FIG4: variants seen among roughly 807,000 people sequenced by gnomAD.
FIG4 encodes polyphosphoinositide phosphatase.
In FIG4, 112 loss-of-function variants were observed where a neutral mutation model predicts 118.6. The observed-to-expected ratio is 0.94, with a 90% CI of 0.81 to 1.11. The LOEUF is 1.11. FIG4 is among the 50% of genes least tolerant of loss of function. The pLI is 0.00. For synonymous variants in FIG4, 369 were observed against 381.2 expected, an observed-to-expected ratio of 0.97 and a Z score of 0.37; for missense variants, 969 against 1,111.7, an observed-to-expected ratio of 0.87 and a Z score of 1.83.
At chr6:109,731,716 T>A (rs1776006961) in intron 4 of FIG4, among the ~76,000 whole-genome samples, 1 of 152,316 alleles carries the variant, frequency 6.6e-6, no homozygotes, top group Non-Finnish European at 1.5e-5. Flanking sequence ...TTGTGCATTA[T>A]GTGCAAATAC....
At chr6:109,766,372 T>C (rs1777279289) in intron 14 of FIG4, among the ~76,000 whole-genome samples, 1 of 152,198 alleles carries the variant, frequency 6.6e-6, no homozygotes, top group Admixed American at 6.5e-5. Flanking sequence ...AGCATATTCT[T>C]TTTTCAGAGG....
intron 21 of FIG4, among the ~76,000 whole-genome samples, chr6:109,795,110 T>G (rs1778245201): frequency 2.1e-4 from 14 of 65,528 alleles, no homozygotes; most frequent in African/African-American, 7.3e-4. Flanking sequence ...TTTTTTTTTT[T>G]TTTTTTTTTT....
intron 21 of FIG4, among the ~76,000 whole-genome samples, chr6:109,796,388 T>A (rs1244993434): frequency 6.6e-6 from 1 of 152,194 alleles, no homozygotes; most frequent in Non-Finnish European, 1.5e-5. Flanking sequence ...CCCCCCATGC[T>A]TCCTGCATTC....
At position 109,774,448 on chromosome 6, in the gene FIG4, A is replaced by T. The variant is rs1777559275; in HGVS notation, c.1751-2474A>T. Among the ~76,000 whole-genome samples the T allele has an allele frequency of 1.3e-5, 2 of 152,050 alleles. 1 individual carries two copies. Among genetic ancestry groups the T allele is most frequent in the Admixed American group, 1.3e-4 (2 of 15,260 alleles). On this transcript the variant is annotated intron_variant, in intron 15 of 22. Transcript: ENST00000230124. ...AACATATACCTTTTTGCATATTTTG[A>T]TCTTATGAAAAGTTCAGAAGCAAAT...
chr6:109,813,446 G>A (rs2503766), intron 22 of FIG4, among the ~76,000 whole-genome samples: 1 of 151,966 alleles, frequency 6.6e-6, no homozygotes, highest in African/African-American at 2.4e-5. Flanking sequence ...GCATCTGATG[G>A]TGCATTTAGT....
At chr6:109,756,859 A>C (rs901258347) in intron 10 of FIG4, among the ~76,000 whole-genome samples, 4 of 152,142 alleles carry the variant, frequency 2.6e-5, no homozygotes, top group African/African-American at 9.7e-5. Flanking sequence ...CAAAGTTTTC[A>C]ACTTCTTTGT....
chr6:109,694,289 G>A (rs1007790084), intron 1 of FIG4, among the ~76,000 whole-genome samples: 1 of 152,088 alleles, frequency 6.6e-6, no homozygotes, highest in Non-Finnish European at 1.5e-5. Context: ...TTCCAATAAC[G>A]GAACACTAGG....
chr6:109,773,095 C>T (rs966365592), intron 15 of FIG4, among the ~76,000 whole-genome samples: 1 of 152,168 alleles, frequency 6.6e-6, no homozygotes, highest in Non-Finnish European at 1.5e-5. Flanking sequence ...CATTTCTTGG[C>T]TTGTGGCCTG....
rs577237778 is a variant in FIG4 at position 109,717,236 on chromosome 6, G to A, written c.289+668G>A. Among the ~76,000 whole-genome samples the A allele has an allele frequency of 2.0e-5, 3 of 152,116 alleles. No homozygotes were observed. In the East Asian group the frequency reaches 5.8e-4, roughly 29 times the overall value. ...AGTCCATAGATATGATGATTCTGTT[G>A]TTTTCAAGGAAACAGGACCCTTGGT... On this transcript the variant is annotated intron_variant, in intron 3 of 22. Transcript: ENST00000230124.
intron 22 of FIG4, among the ~76,000 whole-genome samples, chr6:109,821,411 A>G (rs1779002678): frequency 6.6e-6 from 1 of 152,242 alleles, no homozygotes; most frequent in Admixed American, 6.5e-5. Context: ...ATAGAATTAT[A>G]AAGAACAGAG....
Position 109,727,266 on chromosome 6 carries a change from G to T in FIG4, c.446+1G>T, listed in dbSNP as rs1287611836. On this transcript the variant is annotated splice_donor_variant, in intron 4 of 22. Coordinates refer to ENST00000230124, the MANE Select transcript of FIG4 (RefSeq NM_014845.6). LOFTEE classifies it high-confidence loss of function. ...GGGTTACTCATCCTGATGAAGCTAG[G>T]TATGTATGGTGGTAACTACCTTTTT... 6.2e-7 allele frequency: 1 copy of T among 1,602,452 alleles called. No individual in the cohort carries two copies. The highest frequency in any genetic ancestry group is 1.7e-5 in the Admixed American group (1 of 58,664).
Position 109,743,253 on chromosome 6 carries a change from G to A in FIG4, c.1020G>A (p.Met340Ile). The change falls in exon 9 of 23, where the codon ATG becomes ATA. Residue 340 changes from methionine (M) to isoleucine (I), a missense_variant. This residue lies in a region of FIG4 where 246 missense variants were observed against 354.3 expected (regional missense o/e 0.69). Coordinates refer to ENST00000230124, the MANE Select transcript of FIG4 (RefSeq NM_014845.6). ...LYWSQDISTM[M>I]PKPPITLDQA... ...GGTCTCAGGACATTTCAACTATGAT[G>A]CCTAAACCACCTATTACATGTGTGT... 6.2e-7 allele frequency: 1 copy of A among 1,612,772 alleles called. No individual in the cohort carries two copies. The highest frequency in any genetic ancestry group is 1.3e-5 in the African/African-American group (1 of 74,922).
At chr6:109,823,495 G>GT (rs1779071093) in intron 22 of FIG4, among the ~76,000 whole-genome samples, 1 of 152,154 alleles carries the variant, frequency 6.6e-6, no homozygotes, top group Non-Finnish European at 1.5e-5. Flanking sequence ...TATCTTGGCT[G>GT]TTTGCTGGGA....
intron 22 of FIG4, among the ~76,000 whole-genome samples, chr6:109,813,073 C>T (rs1305406026): frequency 6.6e-6 from 1 of 152,148 alleles, no homozygotes; most frequent in East Asian, 1.9e-4. Context: ...ATAAAAGTAG[C>T]AGTTTCATAT....
intron 1 of FIG4, among the ~76,000 whole-genome samples, chr6:109,705,119 A>AAC (rs1427828481): frequency 6.6e-6 from 1 of 152,226 alleles, no homozygotes; most frequent in African/African-American, 2.4e-5. Flanking sequence ...GAAAAAAATC[A>AAC]ACAGTGGAGA....
chr6:109,797,789 A>C (rs186986121), intron 22 of FIG4, among the ~76,000 whole-genome samples: 159 of 151,812 alleles, frequency 1.0e-3, no homozygotes, highest in Non-Finnish European at 2.0e-3. Flanking sequence ...CCAGATACTC[A>C]GGAGGTGGAG....
At position 109,812,364 on chromosome 6, in the gene FIG4, G is replaced by C. The variant is rs557413676; in HGVS notation, c.2547-12724G>C. Among the ~76,000 whole-genome samples, 119 of 152,274 alleles carry C rather than the reference G, an allele frequency of 7.8e-4. 1 individual carries two copies. Among genetic ancestry groups the C allele is most frequent in the Non-Finnish European group, 1.0e-3 (68 of 68,026 alleles). ...TGGAGTGAGGCATAGGTAGGGGCCA[G>C]ATCTCAGGGAACCTCTCACAGGAGC... On this transcript the variant is annotated intron_variant, in intron 22 of 22. Transcript: ENST00000230124.
intron 1 of FIG4, among the ~76,000 whole-genome samples, chr6:109,702,250 T>C (rs1774930158): frequency 6.6e-6 from 1 of 152,206 alleles, no homozygotes; most frequent in African/African-American, 2.4e-5. Context: ...AAGAAGATAA[T>C]GTTAGTAGAT....
chr6:109,771,954 C>T (rs1777478777), intron 15 of FIG4, among the ~76,000 whole-genome samples: 1 of 152,178 alleles, frequency 6.6e-6, no homozygotes, highest in South Asian at 2.1e-4. Flanking sequence ...CCTAATCCCA[C>T]ATGCCCCTCC....
Sources: allele counts gnomAD v4.1 joint callset (sites outside exome capture counted in the v4.1 genomes callset), GRCh38; gene constraint gnomAD v4.1.1; regional missense constraint gnomAD v4.1.1; transcripts MANE v1.5; gene names NCBI Gene and HGNC (gene_info 2026-07-23, HGNC 2026-07-21).